Variants in ADSS2 observed in about 807,000 individuals in gnomAD.
ADSS2 encodes the protein adenylosuccinate synthetase isozyme 2.
ADSS2 carries 30 observed loss-of-function variants against 60.0 expected under a neutral mutation model. That is an observed-to-expected ratio of 0.50 (90% confidence interval 0.37 to 0.68). The LOEUF (loss-of-function observed/expected upper bound fraction) is 0.68, where lower values mean the gene tolerates loss of function less well. ADSS2 is among the 30% of genes least tolerant of loss of function. The pLI, the probability that ADSS2 is intolerant of heterozygous loss-of-function variation, is 0.00. For synonymous variants in ADSS2, 187 were observed against 193.1 expected (o/e 0.97, Z 0.26); for missense variants, 373 against 554.8 (o/e 0.67, Z 3.29).
At chr1:244,417,250 C>T (rs1359498277) in intron 10 of ADSS2, among the ~76,000 whole-genome samples, 1 of 152,180 alleles carries the variant, frequency 6.6e-6, no homozygotes, top group Non-Finnish European at 1.5e-5. Context: ...GATCTGAGAT[C>T]TGAATCCAGG....
At chr1:244,427,441 G>A (rs1004155453) in intron 4 of ADSS2, among the ~76,000 whole-genome samples, 5 of 152,020 alleles carry the variant, frequency 3.3e-5, no homozygotes, top group African/African-American at 4.8e-5. Flanking sequence ...AAAAGAAAAC[G>A]AAGGGCAGAC....
chr1:244,448,413 A>G (rs10927235), intron 1 of ADSS2, among the ~76,000 whole-genome samples: 10,186 of 152,172 alleles, frequency 0.067, 792 homozygotes, highest in East Asian at 0.42. Context: ...AACATATATC[A>G]AGTGATGGGG....
intron 11 of ADSS2, among the ~76,000 whole-genome samples, chr1:244,412,416 G>A (rs774418552): frequency 2.6e-5 from 4 of 152,286 alleles, no homozygotes; most frequent in Non-Finnish European, 5.9e-5. Flanking sequence ...GCTCTAAAAT[G>A]AGAACTAAGA....
chr1:244,424,294 A>G lies in ADSS2; in HGVS notation c.473+27T>C, dbSNP rs759559314. The G allele has an allele frequency of 1.6e-4, 260 of 1,605,644 alleles. 2 individuals are homozygous for G. In the Admixed American group the frequency reaches 4.2e-3, roughly 26 times the overall value. On this transcript the variant is annotated intron_variant, in intron 5 of 12. Transcript: ENST00000366535. The stretch of plus-strand genomic sequence containing the variant: ...AAAGGTCTGCATATGCTTAAACTGT[A>G]CCAAAAAAACAAAAACCCACACATA...
intron 1 of ADSS2, among the ~76,000 whole-genome samples, chr1:244,440,164 T>G (rs927018638): frequency 2.6e-5 from 4 of 152,186 alleles, no homozygotes; most frequent in African/African-American, 9.7e-5. Flanking sequence ...TTTGTGTGGA[T>G]AGTTATTAAA....
At chr1:244,433,859 T>TAAAAAAA (rs35132231) in intron 3 of ADSS2, among the ~76,000 whole-genome samples, 32 of 94,954 alleles carry the variant, frequency 3.4e-4, no homozygotes, top group African/African-American at 1.1e-3. Context: ...ACTCCATCTT[T>TAAAAAAA]AAAAAAAAAA....
At chr1:244,419,062 A>G in intron 8 of ADSS2, 148 bp from the exon 9 acceptor site, 2 of 746,376 alleles carry the variant, frequency 2.7e-6, no homozygotes, top group Non-Finnish European at 4.1e-6. Context: ...TCAGTGTTTT[A>G]CTTTTTATTC....
At position 244,409,619 on chromosome 1, in the gene ADSS2, A is replaced by G. The variant is rs760924990; in HGVS notation, c.1338T>C (p.Gly446=). The G allele has an allele frequency of 3.7e-6, 6 of 1,608,566 alleles. No individual in the cohort carries two copies. The highest frequency in any genetic ancestry group is 5.1e-6 in the Non-Finnish European group (6 of 1,175,710). The change falls in exon 13 of 13, where the codon GGT becomes GGC. Residue 446 remains glycine, a synonymous_variant. Transcript: ENST00000366535. ...GTTGAATCATAGATTCTCTGGATTT[A>G]CCAACACCAATCCACTTAACTAGGA... ...LQIPVKWIGV[G]KSRESMIQLF
At chr1:244,420,340 C>A in intron 7 of ADSS2, 44 bp from the exon 8 acceptor site, 1 of 1,513,574 alleles carries the variant, frequency 6.6e-7, no homozygotes, top group South Asian at 1.2e-5. Flanking sequence ...TACTAATAAA[C>A]GTTTAACATA....
intron 6 of ADSS2, among the ~76,000 whole-genome samples, chr1:244,423,482 C>A (rs1285091461): frequency 1.3e-5 from 2 of 152,132 alleles, no homozygotes; most frequent in African/African-American, 2.4e-5. Context: ...GGAGATCTGG[C>A]TACAGAAAGC....
chr1:244,439,980 C>T (rs1008933732), intron 1 of ADSS2, among the ~76,000 whole-genome samples: 1 of 152,154 alleles, frequency 6.6e-6, no homozygotes, highest in East Asian at 1.9e-4. Context: ...TCTCCTGCCT[C>T]GAAGCACACA....
intron 4 of ADSS2, among the ~76,000 whole-genome samples, chr1:244,426,671 G>T (rs963932276): frequency 2.0e-5 from 3 of 152,008 alleles, no homozygotes; most frequent in Non-Finnish European, 4.4e-5. Flanking sequence ...GTGAGACTTG[G>T]TACATGTAAT....
Position 244,418,761 on chromosome 1 carries a change from T to A in ADSS2, c.944A>T (p.Asn315Ile). 1 of 1,593,140 alleles carries A rather than the reference T, an allele frequency of 6.3e-7. No individual in the cohort carries two copies. The highest frequency in any genetic ancestry group is 8.5e-7 in the Non-Finnish European group (1 of 1,174,250). Residue 315 changes from asparagine to isoleucine, a missense_variant and splice_region_variant, in exon 9 of 13, where the codon AAT becomes ATT. Physicochemically the swap from Asn to Ile is moderately radical, Grantham distance 149. This residue lies in a region of ADSS2 where 130 missense variants were observed against 169.4 expected (regional missense o/e 0.77). Coordinates refer to ENST00000366535, the MANE Select transcript of ADSS2 (RefSeq NM_001126.5). ...GIGAFPTEQD[N>I]EIGELLQTRG... ...ATTATTTACTTAGAATAGGCTTACA[T>A]TGTCTTGCTCTGTAGGAAAGGCACC... is the stretch of plus-strand genomic sequence containing the variant.
intron 4 of ADSS2, among the ~76,000 whole-genome samples, chr1:244,431,170 T>C (rs1664935223): frequency 6.6e-6 from 1 of 151,986 alleles, no homozygotes; most frequent in South Asian, 2.1e-4. Context: ...TATAGCACAA[T>C]AGTGATATAT....
chr1:244,413,887 A>G (rs959284849), intron 11 of ADSS2, among the ~76,000 whole-genome samples: 2 of 152,174 alleles, frequency 1.3e-5, no homozygotes, highest in African/African-American at 4.8e-5. Flanking sequence ...GCCACCAGAA[A>G]GGCTGCTCTT....
At chr1:244,442,357 C>G (rs1262011748) in intron 1 of ADSS2, among the ~76,000 whole-genome samples, 1 of 152,050 alleles carries the variant, frequency 6.6e-6, no homozygotes, top group East Asian at 1.9e-4. Context: ...ATAGGCAGCT[C>G]AGGCTGGAAA....
intron 6 of ADSS2, 49 bp downstream of exon 6, chr1:244,423,904 A>C: frequency 1.3e-6 from 2 of 1,495,082 alleles, no homozygotes; most frequent in Non-Finnish European, 1.8e-6. Flanking sequence ...TTTTAAAAAA[A>C]ATCAAAAAAT....
rs542689450 is a variant in ADSS2 at position 244,440,429 on chromosome 1, A to G, written c.184-2661T>C. Among the ~76,000 whole-genome samples the G allele has an allele frequency of 2.6e-5, 4 of 152,342 alleles. No individual in the cohort carries two copies. In the South Asian group the frequency reaches 8.3e-4, roughly 32 times the overall value. On this transcript the variant is annotated intron_variant, in intron 1 of 12. Transcript: ENST00000366535. ...CTTTGAAGACTAATGTATGGCATATATTTTAAAAAACAACTTGGCAGTGTT... is the reference window on the plus strand; with the variant it reads ...CTTTGAAGACTAATGTATGGCATATGTTTTAAAAAACAACTTGGCAGTGTT...
intron 3 of ADSS2, among the ~76,000 whole-genome samples, chr1:244,435,194 A>AAAAAAAAAAAACAAAC (rs1553308065): frequency 3.9e-5 from 5 of 127,910 alleles, no homozygotes; most frequent in African/African-American, 1.3e-4. Context: ...AAAAAAAAAA[A>AAAAAAAAAAAACAAAC]AAACAAACCT....
Sources: allele counts gnomAD v4.1 joint callset (sites outside exome capture counted in the v4.1 genomes callset), GRCh38; gene constraint gnomAD v4.1.1; regional missense constraint gnomAD v4.1.1; transcripts MANE v1.5; gene names NCBI Gene and HGNC (gene_info 2026-07-23, HGNC 2026-07-21).